Variants in MYT1L observed in about 807,000 individuals in gnomAD.
MYT1L encodes the protein myelin transcription factor 1 like.
A neutral mutation model predicts 126.7 loss-of-function variants in MYT1L; 12 were observed. The observed-to-expected ratio is 0.09, with a 90% CI of 0.06 to 0.15. MYT1L has a LOEUF of 0.15. Ranked by LOEUF, MYT1L falls within the 10% of genes least tolerant of loss-of-function variation. The probability of loss-of-function intolerance (pLI) is 1.00; values close to 1 mark genes in which losing one functional copy is unlikely to be tolerated. For synonymous variants in MYT1L, 541 were observed against 604.2 expected, an observed-to-expected ratio of 0.90 and a Z score of 1.53; for missense variants, 979 against 1,585.2, an observed-to-expected ratio of 0.62 and a Z score of 6.49.
chr2:2,302,922 A>T (rs1349636521), intron 1 of MYT1L, among the ~76,000 whole-genome samples: 1 of 152,184 alleles, frequency 6.6e-6, no homozygotes, highest in African/African-American at 2.4e-5. Context: ...ATGTTTGATC[A>T]TAATCAACAT....
Position 1,922,934 on chromosome 2 carries a change from T to C in MYT1L, c.835A>G (p.Asn279Asp), listed in dbSNP as rs1279364314. The change falls in exon 10 of 25, where the codon AAC (asparagine) becomes GAC (aspartate). Residue 279 changes from asparagine to aspartate, a missense_variant. This residue lies in a region of MYT1L where 243 missense variants were observed against 363.9 expected (regional missense o/e 0.67). Coordinates refer to ENST00000647738, the MANE Select transcript of MYT1L (RefSeq NM_001303052.2). The surrounding 1 kb of genome is among the most constrained non-coding windows in gnomAD (Gnocchi z 7.4). ...TCTGCATAATTTCTGTCATTCATGT[T>C]TTCTGAGAGCACAACACCGTGTCCT... Reference protein sequence around the residue: ...AQGHGVVLSENMNDRNYADSM... With the variant: ...AQGHGVVLSEDMNDRNYADSM... 9.9e-6 allele frequency: 16 copies of C among 1,613,956 alleles called. No homozygotes were observed. Among genetic ancestry groups the C allele is most frequent in the Non-Finnish European group, 1.3e-5 (15 of 1,179,910 alleles).
intron 21 of MYT1L, among the ~76,000 whole-genome samples, chr2:1,830,971 C>T (rs10184707): frequency 0.01 from 1,581 of 152,322 alleles, 38 homozygotes; most frequent in African/African-American, 0.037. Flanking sequence ...GTCTTCCCCA[C>T]ATCCTGACAG....
At chr2:2,072,172 C>A (rs1229732989) in intron 3 of MYT1L, among the ~76,000 whole-genome samples, 1 of 152,130 alleles carries the variant, frequency 6.6e-6, no homozygotes, top group South Asian at 2.1e-4. Flanking sequence ...CGGCAGAGCC[C>A]TTGTCTATAT....
At chr2:1,990,100 CT>C (rs1220241343) in intron 5 of MYT1L, among the ~76,000 whole-genome samples, 2 of 152,234 alleles carry the variant, frequency 1.3e-5, no homozygotes, top group African/African-American at 4.8e-5. Context: ...TAAAAATCAT[CT>C]CTGGCCTTTT....
chr2:1,824,088 G>A, intron 21 of MYT1L, among the ~76,000 whole-genome samples: 1 of 152,174 alleles, frequency 6.6e-6, no homozygotes, highest in East Asian at 1.9e-4. Flanking sequence ...TGGGGGTTGG[G>A]GAACGTTTTT....
chr2:1,823,674 G>A (rs1314929845), intron 21 of MYT1L, among the ~76,000 whole-genome samples: 1 of 152,086 alleles, frequency 6.6e-6, no homozygotes, highest in Non-Finnish European at 1.5e-5. Flanking sequence ...CTGAGTGCCT[G>A]TAGGAAGACC....
intron 3 of MYT1L, among the ~76,000 whole-genome samples, chr2:2,142,595 T>C (rs2084170852): frequency 6.6e-6 from 1 of 152,184 alleles, no homozygotes; most frequent in African/African-American, 2.4e-5. Context: ...GAGGTACATT[T>C]GTGTGCAGTG....
intron 2 of MYT1L, among the ~76,000 whole-genome samples, chr2:2,182,837 T>A (rs548127697): frequency 7.7e-4 from 117 of 152,094 alleles, no homozygotes; most frequent in African/African-American, 2.7e-3. Flanking sequence ...TGGATAAACA[T>A]CACAGTAGAT....
chr2:2,307,018 A>C, intron 1 of MYT1L, among the ~76,000 whole-genome samples: 1 of 152,292 alleles, frequency 6.6e-6, no homozygotes. Flanking sequence ...GACTTTGAAG[A>C]GTGAATAGGG....
chr2:2,068,450 C>T (rs1433820885), intron 3 of MYT1L, among the ~76,000 whole-genome samples: 1 of 152,192 alleles, frequency 6.6e-6, no homozygotes, highest in Non-Finnish European at 1.5e-5. Context: ...CAGTTCACAA[C>T]TGGCTTCCTG....
intron 18 of MYT1L, among the ~76,000 whole-genome samples, chr2:1,865,909 C>T (rs10168160): frequency 0.017 from 2,663 of 152,328 alleles, 44 homozygotes; most frequent in Non-Finnish European, 0.03. Context: ...TGCTGCCAAC[C>T]CTGTTTCAGA....
intron 14 of MYT1L, among the ~76,000 whole-genome samples, chr2:1,894,044 G>A: frequency 6.6e-6 from 1 of 152,368 alleles, no homozygotes; most frequent in Admixed American, 6.5e-5. Context: ...GCATGAGCCA[G>A]AGGCTCAAAT....
chr2:1,948,380 C>T (rs1244137854), intron 8 of MYT1L, among the ~76,000 whole-genome samples: 1 of 152,220 alleles, frequency 6.6e-6, no homozygotes, highest in Non-Finnish European at 1.5e-5. Flanking sequence ...ATCCATTCTC[C>T]TACTGCAGTT....
rs2042763398 is a variant in MYT1L, at chr2:1,848,282, CCACGGAAGCGCGAGG to C, written c.2774+3344_2774+3358del. On this transcript the variant is annotated intron_variant, in intron 19 of 24. Coordinates refer to ENST00000647738, the MANE Select transcript of MYT1L (RefSeq NM_001303052.2). This position sits in a 1 kb window ranked among gnomAD's most constrained non-coding sequence, Gnocchi z 4.8. The stretch of plus-strand genomic sequence containing the variant: ...AGCAGGAGGGAGAATTCTACAGACA[CCACGGAAGCGCGAGG>C]CATTTGTCCTGGGAGCAGGAGGAAG... Among the ~76,000 whole-genome samples, 1 of 50,900 alleles carries C rather than the reference CCACGGAAGCGCGAGG, an allele frequency of 2.0e-5. No homozygotes were observed. Among genetic ancestry groups the C allele is most frequent in the African/African-American group, 1.3e-4 (1 of 7,428 alleles). The allele number at this position is 50,900 out of a possible 152,430, so 33.4% of individuals were successfully genotyped here. A position where few individuals can be genotyped will look rare whatever the true frequency, so the allele number is the denominator to read the frequency against.
At chr2:2,240,028 C>T (rs1009623343) in intron 2 of MYT1L, among the ~76,000 whole-genome samples, 6 of 152,268 alleles carry the variant, frequency 3.9e-5, no homozygotes, top group Non-Finnish European at 5.9e-5. Context: ...CCAGGCACAG[C>T]GACTCATGCC....
chr2:2,023,410 G>A (rs187735866), intron 4 of MYT1L, among the ~76,000 whole-genome samples: 1 of 152,354 alleles, frequency 6.6e-6, no homozygotes, highest in Admixed American at 6.5e-5. Context: ...TGGCCTGCGT[G>A]TGTGAAGAAC....
At chr2:2,108,186 T>C (rs2078982791) in intron 3 of MYT1L, among the ~76,000 whole-genome samples, 1 of 152,152 alleles carries the variant, frequency 6.6e-6, no homozygotes, top group Non-Finnish European at 1.5e-5. Flanking sequence ...ACTAACCCAC[T>C]GCTAGAGTCC....
At chr2:1,797,444 T>C (rs1414196734) in intron 23 of MYT1L, among the ~76,000 whole-genome samples, 2 of 152,116 alleles carry the variant, frequency 1.3e-5, no homozygotes, top group African/African-American at 4.8e-5. Context: ...ATGGTCTCGA[T>C]TTCCTGACCT....
In MYT1L at chr2:2,294,352, T is replaced by C. The variant is rs1471934700; in HGVS notation, c.-520-9849A>G. Among the ~76,000 whole-genome samples the C allele has an allele frequency of 2.0e-5, 3 of 152,052 alleles. No homozygotes were observed. In the East Asian group the frequency reaches 5.8e-4, roughly 29 times the overall value. On this transcript the variant is annotated intron_variant, in intron 1 of 24. Transcript: ENST00000647738. ...GCCTGGCTGTCCTTGTTGCATATCT[T>C]AGGATGGTTTCAATTTAGAAAGAAT...
Sources: allele counts gnomAD v4.1 joint callset (sites outside exome capture counted in the v4.1 genomes callset), GRCh38; gene constraint gnomAD v4.1.1; regional missense constraint gnomAD v4.1.1; non-coding constraint Gnocchi (gnomAD v3.1); transcripts MANE v1.5; gene names NCBI Gene and HGNC (gene_info 2026-07-23, HGNC 2026-07-21).